Variants in MTMR9 observed in about 807,000 individuals in gnomAD.
MTMR9 encodes myotubularin related protein 9.
Under a neutral mutation model 69.5 loss-of-function variants are expected in MTMR9, and 39 were observed. That is an observed-to-expected ratio of 0.56 (90% CI 0.43 to 0.73). MTMR9 has a LOEUF of 0.73. Ranked by LOEUF, MTMR9 falls within the 30% of genes least tolerant of loss-of-function variation. The probability of loss-of-function intolerance (pLI) is 0.00; values close to 1 mark genes in which losing one functional copy is unlikely to be tolerated. For synonymous variants in MTMR9, 354 were observed against 240.8 expected (o/e 1.47, Z -4.35); for missense variants, 900 against 671.2 (o/e 1.34, Z -3.77).
intron 1 of MTMR9, chr8:11,294,825 A>G (rs1275898334): frequency 1.3e-5 from 2 of 156,040 alleles, no homozygotes; most frequent in African/African-American, 2.4e-5. Context: ...AATATGTATC[A>G]CTTGGAAGTA....
At chr8:11,322,596 C>A (rs187331012) in intron 9 of MTMR9, 29 bp from the exon 10 acceptor site, 1 of 1,602,092 alleles carries the variant, frequency 6.2e-7, no homozygotes, top group African/African-American at 1.3e-5. Flanking sequence ...ACCTTTCTTG[C>A]TTCTGTTTTC....
chr8:11,299,726 C>T (rs1009094418), intron 2 of MTMR9, among the ~76,000 whole-genome samples: 2 of 152,140 alleles, frequency 1.3e-5, no homozygotes, highest in Admixed American at 6.5e-5. Context: ...TAATTGATGT[C>T]GAGGTGTTAT....
At chr8:11,291,772 T>C (rs1043388434) in intron 1 of MTMR9, among the ~76,000 whole-genome samples, 5 of 152,200 alleles carry the variant, frequency 3.3e-5, no homozygotes, top group African/African-American at 1.2e-4. Flanking sequence ...TATGGAAATT[T>C]ACAAGAGAAT....
rs769378467 is a variant in MTMR9 at position 11,326,574 on chromosome 8, A to C, written c.*3786A>C. The C allele has an allele frequency of 2.6e-5, 4 of 152,254 alleles. No homozygotes were observed. Among genetic ancestry groups the C allele is most frequent in the Non-Finnish European group, 4.4e-5 (3 of 68,058 alleles). 9.4% of individuals were successfully genotyped at this position (152,254 alleles called of 1,614,324 possible). A position where few individuals can be genotyped will look rare whatever the true frequency, so the allele number is the denominator to read the frequency against. ...ACTATACCTCAAGACCACATAGATT[A>C]GCTACTGCTTATTCTTTCACATGGG... On this transcript the variant is annotated 3_prime_UTR_variant, in exon 10 of 10. Coordinates refer to ENST00000221086, the MANE Select transcript of MTMR9 (RefSeq NM_015458.4).
intron 2 of MTMR9, chr8:11,297,958 A>G (rs772230109): frequency 3.5e-5 from 16 of 456,104 alleles, no homozygotes; most frequent in Non-Finnish European, 6.2e-5. Flanking sequence ...ATTTGTGAGT[A>G]GTAATTGAAT....
chr8:11,286,666 CAAAAAAAAAAAAA>C lies in MTMR9; in HGVS notation c.182+1609_182+1621del, dbSNP rs869105936. Among the ~76,000 whole-genome samples, 7 of 71,664 alleles carry C rather than the reference CAAAAAAAAAAAAA, an allele frequency of 9.8e-5. No homozygotes were observed. In the South Asian group the frequency reaches 2.9e-3, roughly 29 times the overall value. 47.0% of individuals were successfully genotyped at this position (71,664 alleles called of 152,430 possible). On this transcript the variant is annotated intron_variant, in intron 1 of 9. Coordinates refer to ENST00000221086, the MANE Select transcript of MTMR9 (RefSeq NM_015458.4). ...TTGCAACAAGAGCAAAACTCCATCTCAAAAAAAAAAAAAAAAAAAAAAAAAGTCTTCAGTGGTC... is the reference window on the plus strand; with the variant it reads ...TTGCAACAAGAGCAAAACTCCATCTCAAAAAAAAAAAAGTCTTCAGTGGTC...
the MTMR9 span, among the ~76,000 whole-genome samples, chr8:11,335,041 C>T: frequency 3.3e-5 from 5 of 152,166 alleles, no homozygotes; most frequent in Non-Finnish European, 5.9e-5. Context: ...TGCACTCTCA[C>T]GACTCCTTTC....
intron 2 of MTMR9, among the ~76,000 whole-genome samples, chr8:11,295,735 A>G (rs1489177278): frequency 1.3e-5 from 2 of 152,238 alleles, no homozygotes; most frequent in Non-Finnish European, 2.9e-5. Context: ...CAAAGACTGT[A>G]AACTTCTTTT....
chr8:11,309,463 G>A (rs1800102154), intron 5 of MTMR9, 64 bp from the exon 6 acceptor site: 15 of 1,414,224 alleles, frequency 1.1e-5, no homozygotes, highest in Non-Finnish European at 1.5e-5. Flanking sequence ...CTGAATCTTT[G>A]GTTTGGTTTC....
chr8:11,328,626 A>G (rs1233783380), downstream of MTMR9, among the ~76,000 whole-genome samples: 2 of 152,242 alleles, frequency 1.3e-5, no homozygotes, highest in African/African-American at 4.8e-5. Flanking sequence ...TATTACAGTA[A>G]TCATTGACTT....
intron 2 of MTMR9, among the ~76,000 whole-genome samples, chr8:11,299,361 G>T (rs548552042): frequency 6.6e-6 from 1 of 152,282 alleles, no homozygotes; most frequent in South Asian, 2.1e-4. Context: ...ATTTTATTAT[G>T]TGCCAGACAC....
In MTMR9 at chr8:11,312,694, A is replaced by G. The variant is rs554332341; in HGVS notation, c.972-2229A>G. Among the ~76,000 whole-genome samples, 6 of 152,356 alleles carry G rather than the reference A, an allele frequency of 3.9e-5. No homozygotes were observed. In the South Asian group the frequency reaches 8.3e-4, roughly 21 times the overall value. On this transcript the variant is annotated intron_variant, in intron 6 of 9. Coordinates refer to ENST00000221086, the MANE Select transcript of MTMR9 (RefSeq NM_015458.4). ...ATCACAGATATTTTTAATGGCATCT[A>G]GAAAGGTGAATTCTTTACAGAAAGT... is the stretch of plus-strand genomic sequence containing the variant.
chr8:11,331,647 C>A, downstream of MTMR9: 1 of 1,611,918 alleles, frequency 6.2e-7, no homozygotes, highest in Non-Finnish European at 8.5e-7. Context: ...CTGGACACTA[C>A]AGGAGGGGAC....
At position 11,288,273 on chromosome 8, in the gene MTMR9, TATA is replaced by T. The variant is rs1467738481; in HGVS notation, c.182+3204_182+3206del. 2.2e-5 allele frequency among the ~76,000 whole-genome samples: 3 copies of T among 138,634 alleles called. No individual in the cohort carries two copies. In the East Asian group the frequency reaches 6.0e-4, roughly 28 times the overall value. 90.9% of individuals were successfully genotyped at this position (138,634 alleles called of 152,430 possible). ...ATATTATAATAATTATATATTATAA[TATA>T]GTATAATATAGCATATAATATATAT... On this transcript the variant is annotated intron_variant, in intron 1 of 9. Coordinates refer to ENST00000221086, the MANE Select transcript of MTMR9 (RefSeq NM_015458.4).
chr8:11,306,632 C>G (rs1799951236), intron 5 of MTMR9, among the ~76,000 whole-genome samples: 1 of 152,018 alleles, frequency 6.6e-6, no homozygotes, highest in African/African-American at 2.4e-5. Context: ...TTTTGATATA[C>G]ATATACATTG....
intron 2 of MTMR9, among the ~76,000 whole-genome samples, chr8:11,296,535 C>G (rs955927333): frequency 7.2e-5 from 11 of 152,162 alleles, no homozygotes; most frequent in Non-Finnish European, 5.9e-5. Context: ...AACAACACCC[C>G]ATTTTCCCCT....
At chr8:11,292,338 G>A (rs113456329) in intron 1 of MTMR9, among the ~76,000 whole-genome samples, 256 of 152,240 alleles carry the variant, frequency 1.7e-3, no homozygotes, top group African/African-American at 5.8e-3. Flanking sequence ...CTCTTGGGTG[G>A]CAAGCCATTT....
Position 11,327,892 on chromosome 8 carries a change from T to A in MTMR9, c.*5104T>A, listed in dbSNP as rs1362142964. On this transcript the variant is annotated 3_prime_UTR_variant, in exon 10 of 10. Coordinates refer to ENST00000221086, the MANE Select transcript of MTMR9 (RefSeq NM_015458.4). ...GTAAGTCTGTGTAACATTTTAATAT[T>A]GTTTGTAATATTCACTAGGTGATAA... 6.6e-6 allele frequency: 1 copy of A among 152,528 alleles called. No individual in the cohort carries two copies. The highest frequency in any genetic ancestry group is 1.5e-5 in the Non-Finnish European group (1 of 68,036). 9.4% of individuals were successfully genotyped at this position (152,528 alleles called of 1,614,324 possible).
At chr8:11,290,863 G>GTTT (rs1342970064) in intron 1 of MTMR9, among the ~76,000 whole-genome samples, 6 of 115,434 alleles carry the variant, frequency 5.2e-5, no homozygotes, top group East Asian at 2.4e-4. Flanking sequence ...CCCCGCTTTC[G>GTTT]TTTTTTTTTT....
Sources: gnomAD v4.1 joint callset for allele counts (sites outside exome capture counted in the v4.1 genomes callset) on GRCh38, gnomAD v4.1.1 for gene constraint, MANE v1.5 for transcripts, NCBI Gene and HGNC (gene_info 2026-07-23, HGNC 2026-07-21) for gene names.